The following LVRN variants were observed in gnomAD, a reference collection of about 807,000 sequenced individuals.
LVRN encodes aminopeptidase Q.
Under a neutral mutation model 111.4 loss-of-function variants are expected in LVRN, and 99 were observed. That is an observed-to-expected ratio of 0.89 (90% CI 0.76 to 1.05). The LOEUF is 1.05. Ranked by LOEUF, LVRN falls within the 50% of genes least tolerant of loss-of-function variation. The pLI is 0.00. For synonymous variants in LVRN, 488 were observed against 449.5 expected (o/e 1.09, Z -1.08); for missense variants, 1,414 against 1,206.8 (o/e 1.17, Z -2.54).
intron 5 of LVRN, among the ~76,000 whole-genome samples, chr5:115,993,513 C>T (rs763593930): frequency 2.1e-4 from 32 of 152,218 alleles, no homozygotes; most frequent in Non-Finnish European, 4.0e-4. Flanking sequence ...ACAAAAATTG[C>T]TTTTAATAAT....
Position 116,026,237 on chromosome 5 carries a change from T to G in LVRN, c.*119T>G. ...CATTTTATTTGTATTTCAGTCACATTTATTACTCAGAGTGCCATTCTTCTC... is the reference window on the plus strand; with the variant it reads ...CATTTTATTTGTATTTCAGTCACATGTATTACTCAGAGTGCCATTCTTCTC... On this transcript the variant is annotated 3_prime_UTR_variant, in exon 20 of 20. Coordinates refer to ENST00000357872, the MANE Select transcript of LVRN (RefSeq NM_173800.5). The G allele has an allele frequency of 7.0e-7, 1 of 1,423,656 alleles. No individual in the cohort carries two copies. The highest frequency in any genetic ancestry group is 1.3e-5 in the South Asian group (1 of 79,062). The allele number at this position is 1,423,656 out of a possible 1,614,324, so 88.2% of individuals were successfully genotyped here.
chr5:115,984,631 G>T lies in LVRN; in HGVS notation c.900G>T (p.Thr300=). Reference sequence around the variant, plus strand: ...GGACTGTTACAACCTTTTCCACTACGCCCCACATGCCAACTTACTTAGTCG... The same window carrying T: ...GGACTGTTACAACCTTTTCCACTACTCCCCACATGCCAACTTACTTAGTCG... ...SKWTVTTFST[T]PHMPTYLVAF... is the part of the protein sequence containing the mutation. The change falls in exon 3 of 20, where the codon ACG becomes ACT. Residue 300 remains threonine, a synonymous_variant. Coordinates refer to ENST00000357872, the MANE Select transcript of LVRN (RefSeq NM_173800.5). 4 of 1,613,616 alleles carry T rather than the reference G, an allele frequency of 2.5e-6. No individual in the cohort carries two copies. The highest frequency in any genetic ancestry group is 3.4e-6 in the Non-Finnish European group (4 of 1,179,714).
chr5:116,003,213 T>G, intron 11 of LVRN, 28 bp from the exon 12 acceptor site: 1 of 1,542,510 alleles, frequency 6.5e-7, no homozygotes, highest in Non-Finnish European at 8.8e-7. Flanking sequence ...AATGTACCAT[T>G]TCAAATTATT....
At position 115,993,762 on chromosome 5, in the gene LVRN, A is replaced by G. The variant is rs1029809812; in HGVS notation, c.1282A>G (p.Met428Val). ...AAAGTGGTTTGGAAACTTGGTTACC[A>G]TGAATTGGTGGAACAATATCTGGCT... ...GHQWFGNLVT[M>V]NWWNNIWLNE... Residue 428 changes from methionine (M) to valine (V), a missense_variant, in exon 6 of 20, where the codon ATG becomes GTG. By Grantham distance (21) the Met-to-Val change is conservative. Transcript: ENST00000357872. The G allele has an allele frequency of 3.7e-6, 6 of 1,606,844 alleles. No individual in the cohort carries two copies. Among genetic ancestry groups the G allele is most frequent in the South Asian group, 1.1e-5 (1 of 88,384 alleles).
At chr5:115,965,693 GT>G (rs1243979058) in intron 1 of LVRN, among the ~76,000 whole-genome samples, 1 of 152,088 alleles carries the variant, frequency 6.6e-6, no homozygotes, top group Admixed American at 6.5e-5. Flanking sequence ...CTGATAGTGA[GT>G]GAATCTCATG....
rs149181172 is a variant in LVRN, at chr5:115,989,333, A to T, written c.1105+1394A>T. Among the ~76,000 whole-genome samples, 1,176 of 152,054 alleles carry T rather than the reference A, an allele frequency of 7.7e-3. 2 individuals carry two copies. Among genetic ancestry groups the T allele is most frequent in the Non-Finnish European group, 0.012 (786 of 67,962 alleles). ...TGTCTCTGCTCACTCCTATGCATTC[A>T]CCTTCCTCTTGTCTCCTCCAGGCTC... On this transcript the variant is annotated intron_variant, in intron 4 of 19. Transcript: ENST00000357872.
chr5:116,022,113 A>G (rs1215306395), intron 18 of LVRN: 1 of 290,250 alleles, frequency 3.4e-6, no homozygotes, highest in East Asian at 8.6e-5. Flanking sequence ...TGTGACATGT[A>G]TTCCAACTAC....
rs199537422 is a variant in LVRN at position 115,963,358 on chromosome 5, G to T, written c.695+46G>T. 19 of 1,471,180 alleles carry T rather than the reference G, an allele frequency of 1.3e-5. No homozygotes were observed. In the African/African-American group the frequency reaches 2.4e-4, roughly 18 times the overall value. 91.1% of individuals were successfully genotyped at this position (1,471,180 alleles called of 1,614,324 possible). A position where few individuals can be genotyped will look rare whatever the true frequency, so the allele number is the denominator to read the frequency against. ...GGCCCCTCTCGGCCCCCGCCCCTGC[G>T]TCCCGGTGCAGGCTGCGGGTCCAGC... On this transcript the variant is annotated intron_variant, in intron 1 of 19. Coordinates refer to ENST00000357872, the MANE Select transcript of LVRN (RefSeq NM_173800.5).
chr5:116,018,450 A>C (rs1326060256), intron 18 of LVRN, among the ~76,000 whole-genome samples: 1 of 152,194 alleles, frequency 6.6e-6, no homozygotes, highest in Non-Finnish European at 1.5e-5. Context: ...AGGCAGGCAG[A>C]TCACCTGAGG....
At position 115,983,032 on chromosome 5, in the gene LVRN, G is replaced by A. The variant is rs148961078; in HGVS notation, c.696-255G>A. Reference sequence around the variant, plus strand: ...ATTCTGTTTGTAAAAGGTTTTAAAGGTTTACGATGTAATAAAACAAATATT... The same window carrying A: ...ATTCTGTTTGTAAAAGGTTTTAAAGATTTACGATGTAATAAAACAAATATT... On this transcript the variant is annotated intron_variant, in intron 1 of 19. Transcript: ENST00000357872. 2.2e-3 allele frequency among the ~76,000 whole-genome samples: 332 copies of A among 152,212 alleles called. 1 individual carries two copies. Among genetic ancestry groups the A allele is most frequent in the African/African-American group, 7.5e-3 (312 of 41,542 alleles).
At chr5:115,994,303 C>T (rs752600252) in intron 6 of LVRN, among the ~76,000 whole-genome samples, 1 of 152,078 alleles carries the variant, frequency 6.6e-6, no homozygotes, top group East Asian at 1.9e-4. Flanking sequence ...GACATGGTCT[C>T]GCTCTGTCAC....
intron 6 of LVRN, among the ~76,000 whole-genome samples, chr5:115,997,457 A>T (rs970924392): frequency 6.6e-6 from 1 of 152,176 alleles, no homozygotes; most frequent in Non-Finnish European, 1.5e-5. Flanking sequence ...TAAGCTCAGG[A>T]GTTTAAGACC....
At chr5:116,003,057 G>A in intron 11 of LVRN, 146 bp downstream of exon 11, 1 of 926,302 alleles carries the variant, frequency 1.1e-6, no homozygotes, top group Non-Finnish European at 1.6e-6. Flanking sequence ...AAAGAAAAGT[G>A]TCAAATCAAA....
chr5:116,025,142 C>G (rs77471527), intron 19 of LVRN, among the ~76,000 whole-genome samples: 4,418 of 152,234 alleles, frequency 0.029, 143 homozygotes, highest in African/African-American at 0.081. Flanking sequence ...TACCACCTCC[C>G]GGCAGGTGTG....
intron 1 of LVRN, among the ~76,000 whole-genome samples, chr5:115,964,081 C>T (rs1406930357): frequency 1.3e-5 from 2 of 152,246 alleles, no homozygotes; most frequent in Non-Finnish European, 2.9e-5. Flanking sequence ...CCTGCCCCTG[C>T]ACAAGAATTG....
Position 116,009,488 on chromosome 5 carries a change from A to G in LVRN, c.2094-1253A>G, listed in dbSNP as rs150493897. ...GCTTCCATAGATAATGATCCTTCTGATGAATCTGGCCAAAGTAAATTGAAA... is the reference window on the plus strand; with the variant it reads ...GCTTCCATAGATAATGATCCTTCTGGTGAATCTGGCCAAAGTAAATTGAAA... On this transcript the variant is annotated intron_variant, in intron 13 of 19. Transcript: ENST00000357872. 5.1e-3 allele frequency among the ~76,000 whole-genome samples: 773 copies of G among 152,290 alleles called. 11 individuals are homozygous for G. Among genetic ancestry groups the G allele is most frequent in the African/African-American group, 0.017 (726 of 41,560 alleles).
chr5:116,005,774 G>C (rs933700319), intron 12 of LVRN, 138 bp from the exon 13 acceptor site: 6 of 725,480 alleles, frequency 8.3e-6, no homozygotes, highest in Admixed American at 2.0e-5. Flanking sequence ...CTCAGTAATT[G>C]TTGTTTCTCT....
At chr5:116,025,771 T>A (rs1167362935) in intron 19 of LVRN, among the ~76,000 whole-genome samples, 1 of 152,208 alleles carries the variant, frequency 6.6e-6, no homozygotes, top group East Asian at 1.9e-4. Flanking sequence ...CCTGTCTACA[T>A]CTGCTTCTTT....
chr5:116,002,726 C>A, intron 10 of LVRN, 109 bp from the exon 11 acceptor site: 1 of 765,082 alleles, frequency 1.3e-6, no homozygotes, highest in Non-Finnish European at 2.1e-6. Flanking sequence ...GAGAGAATGA[C>A]CAAAGAAACT....
Sources: gnomAD v4.1 joint callset for allele counts (sites outside exome capture counted in the v4.1 genomes callset) on GRCh38, gnomAD v4.1.1 for gene constraint, MANE v1.5 for transcripts, NCBI Gene and HGNC (gene_info 2026-07-23, HGNC 2026-07-21) for gene names.